FAM83E: variants seen among roughly 807,000 people sequenced by gnomAD.
FAM83E encodes the protein protein FAM83E.
FAM83E carries 29 observed loss-of-function variants against 34.3 expected under a neutral mutation model. That is an observed-to-expected ratio of 0.85 (90% CI 0.63 to 1.15). The LOEUF is 1.15. Ranked by LOEUF, FAM83E falls within the 50% of genes most tolerant of loss-of-function variation. FAM83E has a pLI of 0.00. For synonymous variants in FAM83E, 312 were observed against 311.6 expected (o/e 1.00, Z -0.01); for missense variants, 697 against 685.0 (o/e 1.02, Z -0.20).
Position 48,613,672 on chromosome 19 carries a change from A to G in FAM83E, c.-300T>C. The G allele has an allele frequency of 7.9e-7, 1 of 1,267,314 alleles. No individual in the cohort carries two copies. 78.5% of individuals were successfully genotyped at this position (1,267,314 alleles called of 1,614,324 possible). A position where few individuals can be genotyped will look rare whatever the true frequency, so the allele number is the denominator to read the frequency against. ...GCTGGCCTTCCGTGACCTTCCTGCC[A>G]GCCGTCTCTGCTGGTCAGGTTGACC... On this transcript the variant is annotated 5_prime_UTR_variant, in exon 3 of 7. Transcript: ENST00000263266.
Position 48,600,650 on chromosome 19 carries a change from C to CTTT in FAM83E, c.*456_*458dup, listed in dbSNP as rs780157808. Among the ~76,000 whole-genome samples the CTTT allele has an allele frequency of 1.1e-3, 144 of 136,692 alleles. No individual in the cohort carries two copies. The highest frequency in any genetic ancestry group is 3.6e-3 in the African/African-American group (133 of 37,286). 89.7% of individuals were successfully genotyped at this position (136,692 alleles called of 152,430 possible). ...CGATCAGCCTTTCTTTTTCTTTTTT[C>CTTT]TTTTTTTTTTTTTTTTAAAGAGATG... On this transcript the variant is annotated 3_prime_UTR_variant, in exon 7 of 7. Coordinates refer to ENST00000263266, the MANE Select transcript of FAM83E (RefSeq NM_017708.4).
At chr19:48,601,646 T>C (rs1336252168) in intron 6 of FAM83E, among the ~76,000 whole-genome samples, 4 of 151,620 alleles carry the variant, frequency 2.6e-5, no homozygotes, top group African/African-American at 9.7e-5. Context: ...GCGCCTGTAA[T>C]CCTAGCTACT....
rs1376641433 is a variant in FAM83E at position 48,613,862 on chromosome 19, C to T, written c.-490G>A. 2.0e-6 allele frequency: 2 copies of T among 985,258 alleles called. No homozygotes were observed. The highest frequency in any genetic ancestry group is 3.5e-5 in the African/African-American group (2 of 57,240). The allele number at this position is 985,258 out of a possible 1,614,324, so 61.0% of individuals were successfully genotyped here. A position where few individuals can be genotyped will look rare whatever the true frequency, so the allele number is the denominator to read the frequency against. The stretch of plus-strand genomic sequence containing the variant: ...CATTTCCAGGCGGCAAGCTGCCTGC[C>T]TGTCTCTAATCACCCAAAGGTCCTT... On this transcript the variant is annotated 5_prime_UTR_variant, in exon 3 of 7. Coordinates refer to ENST00000263266, the MANE Select transcript of FAM83E (RefSeq NM_017708.4).
At chr19:48,612,806 G>A (rs57005407) in intron 3 of FAM83E, 102 bp downstream of exon 3, 1 of 1,344,268 alleles carries the variant, frequency 7.4e-7, no homozygotes, top group South Asian at 1.5e-5. Context: ...AGGTCCTTTA[G>A]GGTAGGGGTG....
Position 48,603,548 on chromosome 19 carries a change from C to A in FAM83E, c.1122G>T (p.Met374Ile). 2 of 1,567,464 alleles carry A rather than the reference C, an allele frequency of 1.3e-6. No homozygotes were observed. The highest frequency in any genetic ancestry group is 2.2e-5 in the South Asian group (2 of 88,968). ...SGPPARPSRS[M>I]WDLSRLSQLS... ...GCTGGGACAGGCGGCTTAGGTCCCACATGGAGCGGCTGGGCCGGGCCGGGG... is the reference window on the plus strand; with the variant it reads ...GCTGGGACAGGCGGCTTAGGTCCCAAATGGAGCGGCTGGGCCGGGCCGGGG... Residue 374 changes from methionine (M) to isoleucine (I), a missense_variant, in exon 6 of 7, where the codon ATG becomes ATT. By Grantham distance (10) the Met-to-Ile change is conservative (BLOSUM62 1). Coordinates refer to ENST00000263266, the MANE Select transcript of FAM83E (RefSeq NM_017708.4).
In FAM83E at chr19:48,611,872, G is replaced by A. The variant is rs551633398; in HGVS notation, c.466-1025C>T. Among the ~76,000 whole-genome samples the A allele has an allele frequency of 7.9e-4, 121 of 152,296 alleles. 1 individual carries two copies. The South Asian group carries it at 8.3e-3, about 10-fold the overall frequency. On this transcript the variant is annotated intron_variant, in intron 3 of 6. Transcript: ENST00000263266. ...CTGTAGGATCAGTGGTGGATGTCCC[G>A]TAGGGCACTGTGGGCAACTGCATTT...
Position 48,601,072 on chromosome 19 carries a change from C to G in FAM83E, c.*37G>C. ...GAGCCGACAGTTGTCCGGCACTGCT[C>G]CTTGGGTGGGCCAGCAGATTTGGCT... is the stretch of plus-strand genomic sequence containing the variant. On this transcript the variant is annotated 3_prime_UTR_variant, in exon 7 of 7. Coordinates refer to ENST00000263266, the MANE Select transcript of FAM83E (RefSeq NM_017708.4). 1.9e-6 allele frequency: 3 copies of G among 1,586,108 alleles called. No homozygotes were observed. Among genetic ancestry groups the G allele is most frequent in the Non-Finnish European group, 2.6e-6 (3 of 1,167,206 alleles).
chr19:48,614,241 T>C lies in FAM83E; in HGVS notation c.-869A>G, dbSNP rs370542085. 2 of 985,386 alleles carry C rather than the reference T, an allele frequency of 2.0e-6. No individual in the cohort carries two copies. The highest frequency in any genetic ancestry group is 1.7e-5 in the African/African-American group (1 of 57,300). The allele number at this position is 985,386 out of a possible 1,614,324, so 61.0% of individuals were successfully genotyped here. On this transcript the variant is annotated 5_prime_UTR_variant, in exon 3 of 7. An upstream start codon of the reference 5' UTR is lost. Coordinates refer to ENST00000263266, the MANE Select transcript of FAM83E (RefSeq NM_017708.4). ...GTGAAATGCGCTACAGGGGTCTCCA[T>C]TACTATGGGACAGGTCTATGATCTT...
At position 48,603,783 on chromosome 19, in the gene FAM83E, G is replaced by A. The variant is rs778081953; in HGVS notation, c.887C>T (p.Pro296Leu). ...GCCACCTATGACCGAGGGTTTCTGG[G>A]GGGGCGCAGGTGGGAGCGGGCAGGA... is the stretch of plus-strand genomic sequence containing the variant. ...AASCPLPPAP[P>L]QKPSVIGGLQ... Residue 296 changes from proline (P) to leucine (L), a missense_variant, in exon 6 of 7, where the codon CCC (proline) becomes CTC (leucine). Physicochemically the swap from Pro to Leu is moderately conservative, Grantham distance 98. Coordinates refer to ENST00000263266, the MANE Select transcript of FAM83E (RefSeq NM_017708.4). The A allele has an allele frequency of 1.3e-6, 2 of 1,591,798 alleles. No individual in the cohort carries two copies. Among genetic ancestry groups the A allele is most frequent in the South Asian group, 2.3e-5 (2 of 88,444 alleles).
rs559316617 is a variant in FAM83E at position 48,601,786 on chromosome 19, T to C, written c.1177-417A>G. 5.3e-5 allele frequency among the ~76,000 whole-genome samples: 7 copies of C among 132,648 alleles called. No homozygotes were observed. The South Asian group carries it at 1.7e-3, about 32-fold the overall frequency. The allele number at this position is 132,648 out of a possible 152,430, so 87.0% of individuals were successfully genotyped here. On this transcript the variant is annotated intron_variant, in intron 6 of 6. Coordinates refer to ENST00000263266, the MANE Select transcript of FAM83E (RefSeq NM_017708.4). ...TCTCAAAAAAAAAAAAAGGAAGTGA[T>C]AGAGGATTTGAGGGAGGTGGAAGGA... is the stretch of plus-strand genomic sequence containing the variant.
intron 5 of FAM83E, among the ~76,000 whole-genome samples, chr19:48,609,670 A>C (rs1001030927): frequency 2.0e-5 from 3 of 152,134 alleles, no homozygotes; most frequent in African/African-American, 7.2e-5. Context: ...GGTCAAAGAG[A>C]AGCAGACTTA....
chr19:48,613,827 AC>A lies in FAM83E; in HGVS notation c.-456del. On this transcript the variant is annotated 5_prime_UTR_variant, in exon 3 of 7. The change abolishes the stop of an existing upstream ORF in the 5' untranslated region. Coordinates refer to ENST00000263266, the MANE Select transcript of FAM83E (RefSeq NM_017708.4). ...AGCTGTCCTGAATTTGGTCAGGCTG[AC>A]CACTTGATCATTTCCAGGCGGCAAG... is the stretch of plus-strand genomic sequence containing the variant. 1.0e-6 allele frequency: 1 copy of A among 985,386 alleles called. No individual in the cohort carries two copies. Among genetic ancestry groups the A allele is most frequent in the Non-Finnish European group, 1.2e-6 (1 of 829,914 alleles). 61.0% of individuals were successfully genotyped at this position (985,386 alleles called of 1,614,324 possible).
intron 3 of FAM83E, among the ~76,000 whole-genome samples, 198 bp downstream of exon 3, chr19:48,612,710 C>G (rs985612244): frequency 1.3e-5 from 2 of 152,116 alleles, no homozygotes; most frequent in Non-Finnish European, 2.9e-5. Flanking sequence ...CCGGGCCCCC[C>G]TTTCTGAGAG....
At chr19:48,614,655 A>T (rs1033377365) in intron 2 of FAM83E, 28 bp from the exon 3 acceptor site, 2 of 985,852 alleles carry the variant, frequency 2.0e-6, no homozygotes, top group Admixed American at 6.1e-5. Context: ...GAGTCAAGGC[A>T]GGCCAGCCTC....
At chr19:48,612,565 G>C (rs547500282) in intron 3 of FAM83E, among the ~76,000 whole-genome samples, 1 of 151,960 alleles carries the variant, frequency 6.6e-6, no homozygotes, top group African/African-American at 2.4e-5. Flanking sequence ...CACCATGCCC[G>C]GCTAATTTTT....
intron 3 of FAM83E, 138 bp from the exon 4 acceptor site, chr19:48,610,985 A>G (rs1293659655): frequency 3.8e-6 from 3 of 795,964 alleles, no homozygotes; most frequent in Non-Finnish European, 3.9e-6. Context: ...CAGGTGGGCT[A>G]AAGGGGAGAC....
rs555885998 is a variant in FAM83E at position 48,610,839 on chromosome 19, G to A, written c.474C>T (p.Ala158=). 4 of 1,593,752 alleles carry A rather than the reference G, an allele frequency of 2.5e-6. No homozygotes were observed. The highest frequency in any genetic ancestry group is 1.3e-5 in the African/African-American group (1 of 74,596). The change falls in exon 4 of 7, where the codon GCC becomes GCT. Residue 158 remains alanine, a synonymous_variant. Transcript: ENST00000263266. ...GGTCAGTGAAGACGTCCATGACCAC[G>A]GCCACCAGCTGGGCATGGGGAGAGG... ...LEIQAAHKLV[A]VVMDVFTDPD... is the part of the protein sequence containing the mutation.
Position 48,614,488 on chromosome 19 carries a change from C to T in FAM83E, c.-1116G>A. 1.0e-6 allele frequency: 1 copy of T among 985,564 alleles called. No homozygotes were observed. Among genetic ancestry groups the T allele is most frequent in the South Asian group, 4.7e-5 (1 of 21,290 alleles). 61.1% of individuals were successfully genotyped at this position (985,564 alleles called of 1,614,324 possible). On this transcript the variant is annotated 5_prime_UTR_variant, in exon 3 of 7. Coordinates refer to ENST00000263266, the MANE Select transcript of FAM83E (RefSeq NM_017708.4). Reference sequence around the variant, plus strand: ...GGCCAGTCTCTATCTCGCCCTGTCTCCCTCCCAAGCCTCAGTTATCCCCTT... The same window carrying T: ...GGCCAGTCTCTATCTCGCCCTGTCTTCCTCCCAAGCCTCAGTTATCCCCTT...
chr19:48,607,544 G>A, intron 5 of FAM83E: 1 of 721,940 alleles, frequency 1.4e-6, no homozygotes, highest in East Asian at 2.7e-5. Context: ...TGAGCGGCAG[G>A]GGAGCACGGC....
Sources: gnomAD v4.1 joint callset for allele counts (sites outside exome capture counted in the v4.1 genomes callset) on GRCh38, gnomAD v4.1.1 for gene constraint, MANE v1.5 for transcripts, NCBI Gene and HGNC (gene_info 2026-07-23, HGNC 2026-07-21) for gene names.